The following ZAP70 variants were observed in gnomAD, a reference collection of about 807,000 sequenced individuals.
ZAP70 encodes zeta chain of T cell receptor associated protein kinase 70.
ZAP70 carries 27 observed loss-of-function variants against 65.8 expected under a neutral mutation model. That is an observed-to-expected ratio of 0.41 (90% CI 0.30 to 0.57). ZAP70 has a LOEUF of 0.57. Among genes scored for constraint, ZAP70 ranks in the 20% least tolerant of loss-of-function variants. The pLI, the probability that ZAP70 is intolerant of heterozygous loss-of-function variation, is 0.28. For missense variants in ZAP70, 696 were observed against 870.5 expected (o/e 0.80, Z 2.52); for synonymous variants, 363 against 360.8 (o/e 1.01, Z -0.07).
chr2:97,725,337 A>C, intron 4 of ZAP70, 85 bp downstream of exon 4: 1 of 1,544,692 alleles, frequency 6.5e-7, no homozygotes, highest in South Asian at 1.2e-5. Context: ...GTGAGTGTGC[A>C]GTTGGGCCGT....
At chr2:97,755,180 G>A in the ZAP70 span, among the ~76,000 whole-genome samples, 5 of 152,192 alleles carry the variant, frequency 3.3e-5, no homozygotes, top group East Asian at 1.9e-4. Context: ...TAAACCAACC[G>A]ATGCGTTGTG....
At chr2:97,747,363 C>T in the ZAP70 span, among the ~76,000 whole-genome samples, 18 of 152,168 alleles carry the variant, frequency 1.2e-4, no homozygotes, top group South Asian at 1.0e-3. Flanking sequence ...TATACATACA[C>T]GGAAGCCTTA....
intron 13 of ZAP70, among the ~76,000 whole-genome samples, 175 bp from the exon 14 acceptor site, chr2:97,739,200 C>T (rs538218210): frequency 1.8e-4 from 27 of 150,824 alleles, no homozygotes; most frequent in African/African-American, 5.5e-4. Flanking sequence ...CATTGCCCAA[C>T]GCTCTCACAC....
At chr2:97,719,602 C>CATAGGG (rs1677085056) in intron 2 of ZAP70, among the ~76,000 whole-genome samples, 1 of 151,816 alleles carries the variant, frequency 6.6e-6, no homozygotes, top group South Asian at 2.1e-4. Flanking sequence ...GAGTCAAGGA[C>CATAGGG]ATAGGGACAG....
chr2:97,740,559 T>C (rs1678102731), downstream of ZAP70, among the ~76,000 whole-genome samples: 1 of 152,236 alleles, frequency 6.6e-6, no homozygotes, highest in South Asian at 2.1e-4. Flanking sequence ...TTGATGAAAG[T>C]AATCTTATTT....
intron 2 of ZAP70, among the ~76,000 whole-genome samples, chr2:97,723,029 C>G (rs1338878301): frequency 1.3e-5 from 2 of 152,196 alleles, no homozygotes; most frequent in Non-Finnish European, 2.9e-5. Context: ...AACCCAAGCC[C>G]TGTGAATATA....
intron 4 of ZAP70, among the ~76,000 whole-genome samples, chr2:97,726,612 T>C (rs573152734): frequency 6.6e-6 from 1 of 152,260 alleles, no homozygotes; most frequent in African/African-American, 2.4e-5. Context: ...GAAGTTTCTG[T>C]AGATTGCCTG....
the ZAP70 span, among the ~76,000 whole-genome samples, chr2:97,754,463 T>C: frequency 6.6e-6 from 1 of 152,108 alleles, no homozygotes; most frequent in African/African-American, 2.4e-5. Context: ...AGTGCAGTGG[T>C]ATGATCTTGG....
At chr2:97,719,460 G>C (rs1186108102) in intron 2 of ZAP70, among the ~76,000 whole-genome samples, 1 of 151,378 alleles carries the variant, frequency 6.6e-6, no homozygotes, top group East Asian at 2.0e-4. Flanking sequence ...CATAGGTGTC[G>C]GCCATTCAGG....
intron 4 of ZAP70, among the ~76,000 whole-genome samples, chr2:97,725,706 G>A (rs575668988): frequency 7.2e-5 from 11 of 152,350 alleles, no homozygotes; most frequent in African/African-American, 1.7e-4. Flanking sequence ...GGTAAGCGCC[G>A]TGTGTGCAGG....
intron 2 of ZAP70, among the ~76,000 whole-genome samples, chr2:97,718,140 C>T (rs555354616): frequency 3.9e-5 from 6 of 152,230 alleles, no homozygotes; most frequent in Non-Finnish European, 8.8e-5. Flanking sequence ...TAACCCAAGT[C>T]CTGTCCGTCG....
the ZAP70 span, among the ~76,000 whole-genome samples, chr2:97,754,514 T>C: frequency 1.3e-5 from 2 of 152,152 alleles, no homozygotes; most frequent in East Asian, 1.9e-4. Flanking sequence ...GTAATTCTCC[T>C]GCCTCAGCCT....
In ZAP70 at chr2:97,735,370, C is replaced by T. The variant is rs1418879823; in HGVS notation, c.1203C>T (p.Leu401=). ...HQLDNPYIVR[L]IGVCQAEALM... is the part of the protein sequence containing the mutation. ...TGGACAACCCCTACATCGTGCGGCT[C>T]ATTGGCGTCTGCCAGGCCGAGGCCC... The change falls in exon 10 of 14, where the codon CTC becomes CTT. Residue 401 remains leucine, a synonymous_variant. Coordinates refer to ENST00000264972, the MANE Select transcript of ZAP70 (RefSeq NM_001079.4). 1.2e-6 allele frequency: 2 copies of T among 1,614,126 alleles called. No individual in the cohort carries two copies. The highest frequency in any genetic ancestry group is 1.1e-5 in the South Asian group (1 of 91,086).
At chr2:97,749,165 A>G in the ZAP70 span, among the ~76,000 whole-genome samples, 7 of 151,858 alleles carry the variant, frequency 4.6e-5, no homozygotes, top group African/African-American at 1.7e-4. Flanking sequence ...GCCCGCCACC[A>G]AGCCCGGCTA....
At position 97,719,553 on chromosome 2, in the gene ZAP70, T is replaced by TTG. The variant is rs1553572097; in HGVS notation, c.-21-4463_-21-4462insTG. On this transcript the variant is annotated intron_variant, in intron 2 of 13. Coordinates refer to ENST00000264972, the MANE Select transcript of ZAP70 (RefSeq NM_001079.4). ...GTGCTATCAGTGCTGGAGAACAGCC[T>TTG]GGGGGGGGGGCGCAGACCAGGTCTG... Among the ~76,000 whole-genome samples the TTG allele has an allele frequency of 9.0e-5, 8 of 89,134 alleles. No individual in the cohort carries two copies. The East Asian group carries it at 9.7e-4, about 11-fold the overall frequency. The allele number at this position is 89,134 out of a possible 152,430, so 58.5% of individuals were successfully genotyped here.
chr2:97,747,265 T>C, the ZAP70 span, among the ~76,000 whole-genome samples: 1 of 152,230 alleles, frequency 6.6e-6, no homozygotes, highest in Non-Finnish European at 1.5e-5. Flanking sequence ...CATGAATGCA[T>C]TGTGTATACA....
downstream of ZAP70, among the ~76,000 whole-genome samples, chr2:97,744,708 G>A (rs899784739): frequency 6.6e-6 from 1 of 152,194 alleles, no homozygotes; most frequent in Non-Finnish European, 1.5e-5. Context: ...TCCAGGGAAG[G>A]TGACACAGCT....
intron 2 of ZAP70, among the ~76,000 whole-genome samples, chr2:97,723,610 C>T (rs542657096): frequency 1.3e-5 from 2 of 152,360 alleles, no homozygotes; most frequent in Middle Eastern, 3.4e-3. Context: ...GTTTATCTCA[C>T]GGCTCTCCCT....
At chr2:97,732,814 G>T (rs1413583361) in intron 4 of ZAP70, 69 bp from the exon 5 acceptor site, 14 of 1,603,772 alleles carry the variant, frequency 8.7e-6, no homozygotes, top group Admixed American at 1.7e-5. Context: ...TGTGTTGCGG[G>T]GGAACCGGGG....
Sources: allele counts gnomAD v4.1 joint callset (sites outside exome capture counted in the v4.1 genomes callset), GRCh38; gene constraint gnomAD v4.1.1; transcripts MANE v1.5; gene names NCBI Gene and HGNC (gene_info 2026-07-23, HGNC 2026-07-21).